Variants in RANBP9 observed in about 807,000 individuals in gnomAD.
RANBP9 encodes the protein RAN binding protein 9.
Under a neutral mutation model 84.3 loss-of-function variants are expected in RANBP9, and 15 were observed. The observed-to-expected ratio is 0.18, with a 90% CI of 0.12 to 0.27. The LOEUF is 0.27. Among genes scored for constraint, RANBP9 ranks in the 10% least tolerant of loss-of-function variants. RANBP9 has a pLI of 1.00. For synonymous variants in RANBP9, 392 were observed against 349.6 expected (o/e 1.12, Z -1.35); for missense variants, 809 against 912.8 (o/e 0.89, Z 1.46).
At chr6:13,649,641 ATCTG>A (rs998958997) in intron 5 of RANBP9, among the ~76,000 whole-genome samples, 80 of 151,950 alleles carry the variant, frequency 5.3e-4, no homozygotes, top group Non-Finnish European at 1.3e-4. Flanking sequence ...TCAATTACAC[ATCTG>A]TCTACCTCTT....
intron 2 of RANBP9, among the ~76,000 whole-genome samples, chr6:13,684,081 A>G (rs924015727): frequency 5.9e-5 from 9 of 152,196 alleles, no homozygotes; most frequent in Non-Finnish European, 1.0e-4. Context: ...TATGCACAGC[A>G]AGTGCTAGGG....
At chr6:13,632,171 T>G (rs1306356984) in intron 12 of RANBP9, among the ~76,000 whole-genome samples, 199 bp downstream of exon 12, 1 of 119,910 alleles carries the variant, frequency 8.3e-6, no homozygotes, top group Non-Finnish European at 1.7e-5. Flanking sequence ...TTTTTTTGCT[T>G]TAGTCCAATG....
chr6:13,652,816 G>T, intron 4 of RANBP9, 135 bp from the exon 5 acceptor site: 1 of 719,728 alleles, frequency 1.4e-6, no homozygotes, highest in Non-Finnish European at 2.3e-6. Context: ...AAAATAACAA[G>T]ACTAATTTTT....
intron 10 of RANBP9, among the ~76,000 whole-genome samples, chr6:13,634,997 C>G (rs1034025728): frequency 6.6e-5 from 10 of 152,158 alleles, no homozygotes; most frequent in African/African-American, 2.4e-4. Flanking sequence ...CTCCTGGAAC[C>G]CGCTTCACCT....
chr6:13,633,206 TG>T (rs1426635161), intron 11 of RANBP9, among the ~76,000 whole-genome samples: 1 of 152,106 alleles, frequency 6.6e-6, no homozygotes, highest in Non-Finnish European at 1.5e-5. Flanking sequence ...GGCTAATTTT[TG>T]TATTTTTTAG....
chr6:13,676,773 G>A (rs1026381746), intron 2 of RANBP9, among the ~76,000 whole-genome samples: 2 of 151,954 alleles, frequency 1.3e-5, no homozygotes, highest in African/African-American at 4.8e-5. Context: ...CACGTGATCA[G>A]ACCAATAGAT....
At chr6:13,658,908 A>G in intron 2 of RANBP9, 76 bp from the exon 3 acceptor site, 1 of 1,391,304 alleles carries the variant, frequency 7.2e-7, no homozygotes, top group Non-Finnish European at 1.0e-6. Context: ...AAACAGTCTC[A>G]AACAATATCA....
chr6:13,638,071 G>GC (rs749778097), intron 9 of RANBP9, 116 bp from the exon 10 acceptor site: 111 of 905,358 alleles, frequency 1.2e-4, no homozygotes, highest in Non-Finnish European at 1.6e-4. Flanking sequence ...GAGAGTCAAT[G>GC]GATGATGTAA....
chr6:13,694,935 A>G (rs377628323), intron 2 of RANBP9, among the ~76,000 whole-genome samples: 7 of 152,236 alleles, frequency 4.6e-5, no homozygotes, highest in African/African-American at 1.4e-4. Context: ...GGAGTCTCCC[A>G]TATCAACTGC....
rs369874591 is a variant in RANBP9, at chr6:13,627,156, G to A, written c.1948-1392C>T. Among the ~76,000 whole-genome samples, 3 of 152,144 alleles carry A rather than the reference G, an allele frequency of 2.0e-5. No homozygotes were observed. The East Asian group carries it at 5.8e-4, about 29-fold the overall frequency. On this transcript the variant is annotated intron_variant, in intron 12 of 13. Transcript: ENST00000011619. ...TGAAGCTATGCAGGTGCTTGGTACA[G>A]GAAGATAATTCATATGCCTGTTGAG...
At chr6:13,676,675 G>C (rs370988251) in intron 2 of RANBP9, among the ~76,000 whole-genome samples, 5 of 151,758 alleles carry the variant, frequency 3.3e-5, no homozygotes, top group African/African-American at 1.2e-4. Context: ...CCAAGACTAA[G>C]TGGGATTTAT....
chr6:13,654,528 T>A (rs1256503504), intron 4 of RANBP9, among the ~76,000 whole-genome samples: 1 of 152,140 alleles, frequency 6.6e-6, no homozygotes, highest in Admixed American at 6.5e-5. Context: ...ATTATCCACT[T>A]AGGAAGTATA....
chr6:13,669,610 G>A (rs1448096251), intron 2 of RANBP9, among the ~76,000 whole-genome samples: 2 of 152,110 alleles, frequency 1.3e-5, no homozygotes, highest in Non-Finnish European at 2.9e-5. Flanking sequence ...GTTGTTTTGC[G>A]ACAAGTAAGG....
At position 13,711,458 on chromosome 6, in the gene RANBP9, C is replaced by CTGCTGT. The variant is rs750330790; in HGVS notation, c.42_47dup (p.Gln17_Gln18dup). 2.0e-5 allele frequency: 25 copies of CTGCTGT among 1,231,812 alleles called. No individual in the cohort carries two copies. The East Asian group carries it at 5.5e-4, about 27-fold the overall frequency. The allele number at this position is 1,231,812 out of a possible 1,614,324, so 76.3% of individuals were successfully genotyped here. A position where few individuals can be genotyped will look rare whatever the true frequency, so the allele number is the denominator to read the frequency against. On this transcript the variant is annotated inframe_insertion, in exon 1 of 14. Coordinates refer to ENST00000011619, the MANE Select transcript of RANBP9 (RefSeq NM_005493.3). The stretch of plus-strand genomic sequence containing the variant: ...CCGGCGGTGGCGGCGACAGCTGCTG[C>CTGCTGT]TGCTGTTGCTGCTGCTGCGGCGGCG...
At chr6:13,682,707 C>G (rs1766073788) in intron 2 of RANBP9, among the ~76,000 whole-genome samples, 1 of 152,242 alleles carries the variant, frequency 6.6e-6, no homozygotes, top group Admixed American at 6.5e-5. Context: ...CTACCTCTGC[C>G]TCCCAAATTA....
intron 2 of RANBP9, among the ~76,000 whole-genome samples, chr6:13,687,638 A>G (rs752949206): frequency 1.3e-5 from 2 of 152,182 alleles, no homozygotes; most frequent in Non-Finnish European, 2.9e-5. Flanking sequence ...TTCCTAATCA[A>G]GGAAATAAAG....
chr6:13,695,306 G>A (rs925019755), intron 2 of RANBP9, among the ~76,000 whole-genome samples: 2 of 151,178 alleles, frequency 1.3e-5, no homozygotes, highest in Non-Finnish European at 2.9e-5. Context: ...ATAAATAATT[G>A]AGATCTGACA....
intron 2 of RANBP9, among the ~76,000 whole-genome samples, chr6:13,695,248 G>A (rs1218605574): frequency 6.6e-6 from 1 of 152,052 alleles, no homozygotes; most frequent in Non-Finnish European, 1.5e-5. Context: ...AGCAAAACAG[G>A]CAGCAACTGG....
chr6:13,651,569 T>TA (rs1167734779), intron 5 of RANBP9, among the ~76,000 whole-genome samples: 1 of 151,398 alleles, frequency 6.6e-6, no homozygotes, highest in African/African-American at 2.4e-5. Flanking sequence ...TAATTTTTTG[T>TA]ATTTTTTTTT....
Sources: gnomAD v4.1 joint callset for allele counts (sites outside exome capture counted in the v4.1 genomes callset) on GRCh38, gnomAD v4.1.1 for gene constraint, MANE v1.5 for transcripts, NCBI Gene and HGNC (gene_info 2026-07-23, HGNC 2026-07-21) for gene names.